Variants in ASAP1 observed in about 807,000 individuals in gnomAD.
ASAP1 encodes arf-GAP with SH3 domain, ANK repeat and PH domain-containing protein 1.
A neutral mutation model predicts 145.2 loss-of-function variants in ASAP1; 43 were observed. The observed-to-expected ratio is 0.30, with a 90% CI of 0.23 to 0.38. ASAP1 has a LOEUF of 0.38. Ranked by LOEUF, ASAP1 falls within the 10% of genes least tolerant of loss-of-function variation. ASAP1 has a pLI of 1.00. For synonymous variants in ASAP1, 546 were observed against 515.5 expected (o/e 1.06, Z -0.80); for missense variants, 1,018 against 1,355.3 (o/e 0.75, Z 3.91).
At chr8:130,380,300 G>A (rs1827707360) in intron 2 of ASAP1, among the ~76,000 whole-genome samples, 1 of 152,224 alleles carries the variant, frequency 6.6e-6, no homozygotes, top group Admixed American at 6.5e-5. Flanking sequence ...GTGCACCTGA[G>A]AAGCAGGATG....
rs181756623 is a variant in ASAP1, at chr8:130,059,779, G to C, written c.3192+800C>G. Among the ~76,000 whole-genome samples, 18 of 152,170 alleles carry C rather than the reference G, an allele frequency of 1.2e-4. 1 individual carries two copies. In the East Asian group the frequency reaches 1.7e-3, roughly 15 times the overall value. ...TTAGGAAGATGCAGCGAGAAAGTCTGACTTAGCAACTCAGGGAGCCAGGTG... is the reference window on the plus strand; with the variant it reads ...TTAGGAAGATGCAGCGAGAAAGTCTCACTTAGCAACTCAGGGAGCCAGGTG... On this transcript the variant is annotated intron_variant, in intron 28 of 29. Transcript: ENST00000518721.
At chr8:130,315,177 G>A (rs1823592036) in intron 3 of ASAP1, among the ~76,000 whole-genome samples, 1 of 152,124 alleles carries the variant, frequency 6.6e-6, no homozygotes, top group South Asian at 2.1e-4. Context: ...GAGTTCACAA[G>A]GAAAATAGTA....
chr8:130,246,889 A>AGTTACC (rs1818885011), intron 3 of ASAP1: 1 of 152,336 alleles, frequency 6.6e-6, no homozygotes, highest in Non-Finnish European at 1.5e-5. Flanking sequence ...TCTGGCACTA[A>AGTTACC]GTTACTATGA....
chr8:130,220,892 C>T (rs955339468), intron 4 of ASAP1, among the ~76,000 whole-genome samples: 1 of 152,128 alleles, frequency 6.6e-6, no homozygotes, highest in African/African-American at 2.4e-5. Flanking sequence ...CCCCACAAAA[C>T]CATCAGATCT....
chr8:130,241,847 G>C (rs57129132), intron 3 of ASAP1, among the ~76,000 whole-genome samples: 1 of 152,138 alleles, frequency 6.6e-6, no homozygotes, highest in Admixed American at 6.6e-5. Context: ...TATTCATTAA[G>C]ACTTTCTATT....
intron 13 of ASAP1, among the ~76,000 whole-genome samples, chr8:130,148,489 T>C (rs1427485079): frequency 6.6e-6 from 1 of 152,228 alleles, no homozygotes; most frequent in Non-Finnish European, 1.5e-5. Context: ...TAGTGATGCC[T>C]ATCCTGTAGG....
intron 28 of ASAP1, among the ~76,000 whole-genome samples, chr8:130,060,247 T>G (rs1052547698): frequency 2.6e-5 from 4 of 152,188 alleles, no homozygotes; most frequent in African/African-American, 9.6e-5. Context: ...CAAGTGCTGC[T>G]CATTTGTCAC....
At chr8:130,355,310 T>C (rs1295408581) in intron 3 of ASAP1, among the ~76,000 whole-genome samples, 2 of 152,200 alleles carry the variant, frequency 1.3e-5, no homozygotes, top group Non-Finnish European at 1.5e-5. Context: ...ATGGATTAAT[T>C]TGGGGCTCCA....
chr8:130,418,046 GGGA>G (rs1426121985), intron 1 of ASAP1, among the ~76,000 whole-genome samples: 3 of 152,194 alleles, frequency 2.0e-5, no homozygotes. Context: ...ACCAAGGGAG[GGGA>G]GGAGAACTTG....
chr8:130,420,418 C>T (rs1181956382), intron 1 of ASAP1, among the ~76,000 whole-genome samples: 1 of 152,060 alleles, frequency 6.6e-6, no homozygotes, highest in East Asian at 1.9e-4. Context: ...CCACTCCTGG[C>T]CATATACCTA....
chr8:130,171,753 G>T (rs1220223466), intron 9 of ASAP1, among the ~76,000 whole-genome samples: 1 of 152,218 alleles, frequency 6.6e-6, no homozygotes, highest in Non-Finnish European at 1.5e-5. Flanking sequence ...TGTGGGCCCA[G>T]GCCTAAGTGC....
chr8:130,263,008 T>C (rs190361135), intron 3 of ASAP1, among the ~76,000 whole-genome samples: 19 of 152,350 alleles, frequency 1.2e-4, no homozygotes, highest in African/African-American at 4.3e-4. Flanking sequence ...TTTCTGCTTT[T>C]GTACAACATG....
intron 7 of ASAP1, among the ~76,000 whole-genome samples, chr8:130,186,233 G>A (rs981905408): frequency 6.6e-6 from 1 of 152,094 alleles, no homozygotes; most frequent in Non-Finnish European, 1.5e-5. Context: ...TTTGTTCTCT[G>A]CTGCATTTAG....
intron 3 of ASAP1, among the ~76,000 whole-genome samples, chr8:130,309,135 G>C (rs1221002442): frequency 6.6e-6 from 1 of 152,004 alleles, no homozygotes; most frequent in Non-Finnish European, 1.5e-5. Flanking sequence ...CTAGGCAGGG[G>C]GATTATCCAT....
chr8:130,179,420 CT>C (rs1157036662), intron 8 of ASAP1, 71 bp from the exon 9 acceptor site: 1 of 886,266 alleles, frequency 1.1e-6, no homozygotes, highest in African/African-American at 1.7e-5. Context: ...GTTCAGGTGG[CT>C]GAACATCACC....
At chr8:130,155,361 T>C (rs1331215713) in intron 12 of ASAP1, among the ~76,000 whole-genome samples, 2 of 152,148 alleles carry the variant, frequency 1.3e-5, no homozygotes, top group Non-Finnish European at 1.5e-5. Flanking sequence ...GAGAGCAGTA[T>C]TGCCTGATCT....
At chr8:130,159,161 C>T (rs115374313) in intron 12 of ASAP1, among the ~76,000 whole-genome samples, 78 of 152,244 alleles carry the variant, frequency 5.1e-4, no homozygotes, top group African/African-American at 1.7e-3. Flanking sequence ...CAGCAGCTCA[C>T]CCTAGAGCAG....
intron 26 of ASAP1, among the ~76,000 whole-genome samples, chr8:130,079,034 A>G (rs1232220005): frequency 6.6e-6 from 1 of 152,128 alleles, no homozygotes; most frequent in African/African-American, 2.4e-5. Flanking sequence ...TCTCTACAAA[A>G]AAATAAAAAA....
intron 3 of ASAP1, among the ~76,000 whole-genome samples, chr8:130,349,043 G>T (rs1053096924): frequency 2.0e-5 from 3 of 152,240 alleles, no homozygotes; most frequent in African/African-American, 7.2e-5. Flanking sequence ...TGGGCAATGA[G>T]GTTGCACTGG....
Sources: allele counts gnomAD v4.1 joint callset (sites outside exome capture counted in the v4.1 genomes callset), GRCh38; gene constraint gnomAD v4.1.1; transcripts MANE v1.5; gene names NCBI Gene and HGNC (gene_info 2026-07-23, HGNC 2026-07-21).